Variants in NUDC observed in about 807,000 individuals in gnomAD.
NUDC encodes nuclear distribution C, dynein complex regulator.
NUDC carries 14 observed loss-of-function variants against 45.0 expected under a neutral mutation model. The observed-to-expected ratio is 0.31, with a 90% CI of 0.21 to 0.49. The LOEUF (loss-of-function observed/expected upper bound fraction) is 0.49. Among genes scored for constraint, NUDC ranks in the 20% least tolerant of loss-of-function variants. The pLI, the probability that NUDC is intolerant of heterozygous loss-of-function variation, is 0.99. For missense variants in NUDC, 323 were observed against 426.2 expected, an observed-to-expected ratio of 0.76 and a Z score of 2.13; for synonymous variants, 153 against 156.7, an observed-to-expected ratio of 0.98 and a Z score of 0.17.
chr1:26,902,778 G>A (rs2081986030), intron 2 of NUDC, among the ~76,000 whole-genome samples: 1 of 152,032 alleles, frequency 6.6e-6, no homozygotes, highest in Non-Finnish European at 1.5e-5. Context: ...GCTGGGCGCA[G>A]TGGCTAATGC....
intron 2 of NUDC, among the ~76,000 whole-genome samples, chr1:26,933,717 TTTTAGTTTTTTTA>T (rs1366722224): frequency 6.6e-6 from 1 of 152,064 alleles, no homozygotes; most frequent in East Asian, 1.9e-4. Flanking sequence ...TCCAGCCAGT[TTTTAGTTTTTTTA>T]GGAAATGCCA....
intron 3 of NUDC, among the ~76,000 whole-genome samples, chr1:26,915,688 G>T (rs1439150888): frequency 1.3e-5 from 2 of 152,194 alleles, no homozygotes; most frequent in Admixed American, 6.5e-5. Flanking sequence ...ATGCCTGGCT[G>T]TAGGGCTGCC....
intron 2 of NUDC, among the ~76,000 whole-genome samples, chr1:26,933,379 G>T (rs572223440): frequency 6.6e-6 from 1 of 152,178 alleles, no homozygotes; most frequent in South Asian, 2.1e-4. Context: ...TTACTCGGCA[G>T]TGTAATCTAT....
At chr1:26,921,438 T>C (rs1291124022), upstream of NUDC, among the ~76,000 whole-genome samples, 1 of 152,128 alleles carries the variant, frequency 6.6e-6, no homozygotes, top group African/African-American at 2.4e-5. Context: ...GGGGGGTCGC[T>C]AGCAAGGGAG....
chr1:26,945,168 G>A, intron 6 of NUDC: 1 of 604,282 alleles, frequency 1.7e-6, no homozygotes, highest in Non-Finnish European at 3.0e-6. Flanking sequence ...CTCCCTTTCT[G>A]CTTTCTTCTT....
intron 3 of NUDC, among the ~76,000 whole-genome samples, chr1:26,916,733 G>A (rs2082063695): frequency 6.6e-6 from 1 of 152,054 alleles, no homozygotes; most frequent in African/African-American, 2.4e-5. Flanking sequence ...CAGTGGGTGA[G>A]CTGCTTGAGC....
intron 2 of NUDC, among the ~76,000 whole-genome samples, chr1:26,925,003 C>G (rs1018309117): frequency 6.6e-6 from 1 of 151,576 alleles, no homozygotes; most frequent in Non-Finnish European, 1.5e-5. Flanking sequence ...GCCTCAGCCT[C>G]CCAAGTAGCT....
intron 2 of NUDC, among the ~76,000 whole-genome samples, chr1:26,937,788 AACTACAGGTACC>A (rs2082247027): frequency 6.6e-6 from 1 of 151,676 alleles, no homozygotes; most frequent in African/African-American, 2.4e-5. Context: ...GAGTAGCTGG[AACTACAGGTACC>A]ACTACACTCA....
chr1:26,927,484 G>A (rs1164271223), intron 2 of NUDC, among the ~76,000 whole-genome samples: 7 of 147,118 alleles, frequency 4.8e-5, no homozygotes, highest in African/African-American at 1.5e-4. Flanking sequence ...TGCAATCCCC[G>A]CCTCCCAGGT....
At chr1:26,934,822 T>A (rs2082214005) in intron 2 of NUDC, among the ~76,000 whole-genome samples, 1 of 151,548 alleles carries the variant, frequency 6.6e-6, no homozygotes, top group African/African-American at 2.4e-5. Flanking sequence ...CATGCCCGGC[T>A]AATTTTTTGT....
chr1:26,922,245 A>C lies in NUDC; in HGVS notation c.81+316A>C. 3 of 462,482 alleles carry C rather than the reference A, an allele frequency of 6.5e-6. No individual in the cohort carries two copies. In the South Asian group the frequency reaches 6.5e-5, roughly 10 times the overall value. The allele number at this position is 462,482 out of a possible 1,614,324, so 28.6% of individuals were successfully genotyped here. A position where few individuals can be genotyped will look rare whatever the true frequency, so the allele number is the denominator to read the frequency against. On this transcript the variant is annotated intron_variant, in intron 1 of 8. Coordinates refer to ENST00000321265, the MANE Select transcript of NUDC (RefSeq NM_006600.4). ...GGCTTCCAAGGAGCATCCCTTAGTA[A>C]GAACCGTCGCAAATATCGTGATTTG... is the stretch of plus-strand genomic sequence containing the variant.
chr1:26,930,201 C>T lies in NUDC; in HGVS notation c.159+6035C>T, dbSNP rs187151933. On this transcript the variant is annotated intron_variant, in intron 2 of 8. Coordinates refer to ENST00000321265, the MANE Select transcript of NUDC (RefSeq NM_006600.4). ...TTTTGTTTTGAGACAGGGTCTCGCT[C>T]TGCTGCCCAGCCTGGATGGTGTCCA... Among the ~76,000 whole-genome samples the T allele has an allele frequency of 1.5e-3, 221 of 152,304 alleles. 1 individual carries two copies. Among genetic ancestry groups the T allele is most frequent in the African/African-American group, 4.8e-3 (200 of 41,568 alleles).
Position 26,905,137 on chromosome 1 carries a change from CTAT to C in NUDC, c.-16+2791_-16+2793del, listed in dbSNP as rs1298871467. Among the ~76,000 whole-genome samples the C allele has an allele frequency of 4.4e-3, 540 of 123,526 alleles. 25 individuals are homozygous for C. Among genetic ancestry groups the C allele is most frequent in the East Asian group, 7.6e-3 (31 of 4,102 alleles). 81.0% of individuals were successfully genotyped at this position (123,526 alleles called of 152,430 possible). On this transcript the variant is annotated intron_variant, in intron 2 of 6. Coordinates refer to the NUDC transcript ENST00000435827. ...ACAGGCGTGAGCGACTGAGCCTGGC[CTAT>C]TATTATTATTATTATTATTTTTTTT...
Position 26,941,030 on chromosome 1 carries a change from T to A in NUDC, c.160-427T>A, listed in dbSNP as rs186481602. ...TCTGCCTCCCAGGTTCAAGCGATTC[T>A]CCCACCTCAGCTTCTCGAGTAGCTG... On this transcript the variant is annotated intron_variant, in intron 2 of 8. Transcript: ENST00000321265. 2.1e-4 allele frequency among the ~76,000 whole-genome samples: 30 copies of A among 140,044 alleles called. No individual in the cohort carries two copies. In the East Asian group the frequency reaches 6.5e-3, roughly 30 times the overall value. 91.9% of individuals were successfully genotyped at this position (140,044 alleles called of 152,430 possible). A position where few individuals can be genotyped will look rare whatever the true frequency, so the allele number is the denominator to read the frequency against.
chr1:26,915,502 T>A (rs1214700622), intron 3 of NUDC, among the ~76,000 whole-genome samples: 2 of 152,230 alleles, frequency 1.3e-5, no homozygotes, highest in African/African-American at 4.8e-5. Flanking sequence ...TCCTGGACCT[T>A]GGCCAGTCCA....
chr1:26,920,307 T>G (rs976029336), upstream of NUDC, among the ~76,000 whole-genome samples: 3 of 151,770 alleles, frequency 2.0e-5, no homozygotes, highest in African/African-American at 4.8e-5. Flanking sequence ...CTGGCCAACA[T>G]GGTGAAAACC....
At chr1:26,912,002 C>A (rs146555254) in intron 3 of NUDC, 1 of 1,614,092 alleles carries the variant, frequency 6.2e-7, no homozygotes, top group African/African-American at 1.3e-5. Flanking sequence ...TGCTGGGCAC[C>A]AGGGTTCCAG....
At chr1:26,917,211 T>C (rs1362685469), upstream of NUDC, among the ~76,000 whole-genome samples, 3 of 152,034 alleles carry the variant, frequency 2.0e-5, no homozygotes, top group Non-Finnish European at 4.4e-5. Context: ...GGAGCCAAGA[T>C]AGTGCCACTG....
rs550151562 is a variant in NUDC, at chr1:26,914,440, A to G, written c.93+3205A>G. On this transcript the variant is annotated intron_variant, in intron 3 of 6. Coordinates refer to the NUDC transcript ENST00000435827. ...TGCCTTATCACTAGCTTGTTTGCCT[A>G]ACCTTGGGGCCCTGCTTCTGTTGTC... 9.8e-5 allele frequency among the ~76,000 whole-genome samples: 15 copies of G among 152,294 alleles called. No individual in the cohort carries two copies. In the Middle Eastern group the frequency reaches 0.014, roughly 138 times the overall value.
Sources: allele counts gnomAD v4.1 joint callset (sites outside exome capture counted in the v4.1 genomes callset), GRCh38; gene constraint gnomAD v4.1.1; transcripts MANE v1.5; gene names NCBI Gene and HGNC (gene_info 2026-07-23, HGNC 2026-07-21).